The following PCDHA12 variants were observed in gnomAD, a reference collection of about 807,000 sequenced individuals.
PCDHA12 encodes protocadherin alpha-12.
A neutral mutation model predicts 60.0 loss-of-function variants in PCDHA12; 44 were observed. That is an observed-to-expected ratio of 0.73 (90% CI 0.58 to 0.94). The LOEUF (loss-of-function observed/expected upper bound fraction) is 0.94, where lower values mean the gene tolerates loss of function less well. PCDHA12 is among the 40% of genes least tolerant of loss of function. The pLI is 0.00. For missense variants in PCDHA12, 1,276 were observed against 1,239.7 expected (o/e 1.03, Z -0.44); for synonymous variants, 569 against 553.0 (o/e 1.03, Z -0.40).
chr5:141,010,276 TTGA>T lies in PCDHA12; in HGVS notation c.*343_*345del, dbSNP rs1554262867. On this transcript the variant is annotated 3_prime_UTR_variant, in exon 4 of 4. Transcript: ENST00000398631. ...TGCCCTGTGCTCCGGGGATCCTGTC[TTGA>T]TGACACTTGCAGGGCAGGCTGAAAA... is the stretch of plus-strand genomic sequence containing the variant. The T allele has an allele frequency of 4.5e-6, 7 of 1,551,580 alleles. No individual in the cohort carries two copies. The highest frequency in any genetic ancestry group is 6.1e-6 in the Non-Finnish European group (7 of 1,146,976).
At chr5:140,936,512 A>G (rs575884793) in intron 1 of PCDHA12, among the ~76,000 whole-genome samples, 1 of 152,324 alleles carries the variant, frequency 6.6e-6, no homozygotes, top group Non-Finnish European at 1.5e-5. Context: ...TAGATCTTAA[A>G]TTACCTGAAA....
chr5:140,956,678 A>C (rs1442214825), intron 1 of PCDHA12, among the ~76,000 whole-genome samples: 2 of 152,104 alleles, frequency 1.3e-5, no homozygotes, highest in Non-Finnish European at 2.9e-5. Context: ...GTTAGGGAGG[A>C]GTACCTCCTT....
chr5:140,954,383 T>C (rs1333017700), intron 1 of PCDHA12, among the ~76,000 whole-genome samples: 6 of 152,208 alleles, frequency 3.9e-5, no homozygotes, highest in African/African-American at 1.4e-4. Context: ...ATGAGTGAAC[T>C]AATTTACAAC....
intron 3 of PCDHA12, among the ~76,000 whole-genome samples, chr5:140,999,591 C>T (rs2153957965): frequency 1.3e-5 from 2 of 152,208 alleles, no homozygotes; most frequent in South Asian, 4.2e-4. Flanking sequence ...AATTGCCTTC[C>T]CTACATCCTG....
At chr5:140,959,544 T>C (rs2095494180) in intron 1 of PCDHA12, among the ~76,000 whole-genome samples, 1 of 152,208 alleles carries the variant, frequency 6.6e-6, no homozygotes, top group Non-Finnish European at 1.5e-5. Context: ...AGAGATGCTG[T>C]ATAAATAGAA....
intron 1 of PCDHA12, among the ~76,000 whole-genome samples, chr5:140,934,548 ATT>A (rs1290393008): frequency 1.3e-5 from 2 of 152,018 alleles, no homozygotes; most frequent in African/African-American, 2.4e-5. Context: ...TAATTCTATC[ATT>A]TCTTCTTTTT....
intron 1 of PCDHA12, among the ~76,000 whole-genome samples, chr5:140,885,665 G>A (rs2060682140): frequency 6.6e-6 from 1 of 152,114 alleles, no homozygotes; most frequent in Non-Finnish European, 1.5e-5. Flanking sequence ...CCAGTTATGA[G>A]CACTCTTTCT....
chr5:140,916,520 G>C (rs1339531103), intron 1 of PCDHA12, among the ~76,000 whole-genome samples: 1 of 152,112 alleles, frequency 6.6e-6, no homozygotes, highest in African/African-American at 2.4e-5. Context: ...GCCAAGACTG[G>C]GTCCTTCCCA....
chr5:140,930,591 CAT>C (rs1554207939), intron 1 of PCDHA12: 1 of 152,406 alleles, frequency 6.6e-6, no homozygotes, highest in African/African-American at 2.4e-5. Flanking sequence ...TTTGACTTCT[CAT>C]AGAAATCCTA....
intron 1 of PCDHA12, chr5:140,926,849 C>A: frequency 6.6e-7 from 1 of 1,517,430 alleles, no homozygotes. Flanking sequence ...CCTGGGTCAC[C>A]GTTGGTGTAG....
intron 3 of PCDHA12, among the ~76,000 whole-genome samples, chr5:140,993,956 C>T (rs2097588909): frequency 6.6e-6 from 1 of 152,140 alleles, no homozygotes; most frequent in Admixed American, 6.5e-5. Flanking sequence ...TGATACATGA[C>T]TGTAGTCATC....
chr5:140,976,190 C>T (rs1402016343), intron 1 of PCDHA12, among the ~76,000 whole-genome samples: 17 of 152,040 alleles, frequency 1.1e-4, no homozygotes, highest in African/African-American at 4.1e-4. Context: ...AATCAATATC[C>T]TGGAAACTCA....
intron 1 of PCDHA12, chr5:140,966,810 G>A (rs1290992432): frequency 3.9e-6 from 6 of 1,548,566 alleles, no homozygotes; most frequent in African/African-American, 1.4e-5. Context: ...GAGCATCCAC[G>A]GCTCCGGCGG....
At position 141,003,207 on chromosome 5, in the gene PCDHA12, T is replaced by C. The variant is rs141066841; in HGVS notation, c.2516-6420T>C. On this transcript the variant is annotated intron_variant, in intron 3 of 3. Coordinates refer to ENST00000398631, the MANE Select transcript of PCDHA12 (RefSeq NM_018903.4). Reference sequence around the variant, plus strand: ...CATCAACTCAGGCAGCCAGGGTTAGTTTAGCATGAAAGAGGAAAGCTGGAA... The same window carrying C: ...CATCAACTCAGGCAGCCAGGGTTAGCTTAGCATGAAAGAGGAAAGCTGGAA... Among the ~76,000 whole-genome samples the C allele has an allele frequency of 6.3e-3, 959 of 152,338 alleles. 16 individuals carry two copies. The highest frequency in any genetic ancestry group is 0.021 in the African/African-American group (892 of 41,582).
At chr5:140,884,941 C>T (rs1326188943) in intron 1 of PCDHA12, among the ~76,000 whole-genome samples, 1 of 152,116 alleles carries the variant, frequency 6.6e-6, no homozygotes, top group Admixed American at 6.5e-5. Context: ...TGCAATTGAG[C>T]ATTTACAAAA....
chr5:140,926,944 G>A, intron 1 of PCDHA12: 1 of 1,588,324 alleles, frequency 6.3e-7, no homozygotes, highest in Non-Finnish European at 8.6e-7. Flanking sequence ...CTGCGGCGCT[G>A]CAGCGGGACA....
chr5:140,953,641 G>A (rs246029), intron 1 of PCDHA12, among the ~76,000 whole-genome samples: 85,647 of 151,972 alleles, frequency 0.56, 24,761 homozygotes, highest in African/African-American at 0.69. Context: ...TTTTGGCCAG[G>A]AGCTATAGTT....
At position 141,010,124 on chromosome 5, in the gene PCDHA12, G is replaced by C. The variant is rs1161168842; in HGVS notation, c.*187G>C. 1.2e-6 allele frequency: 2 copies of C among 1,605,172 alleles called. No homozygotes were observed. The highest frequency in any genetic ancestry group is 1.1e-5 in the South Asian group (1 of 90,170). On this transcript the variant is annotated 3_prime_UTR_variant, in exon 4 of 4. Coordinates refer to ENST00000398631, the MANE Select transcript of PCDHA12 (RefSeq NM_018903.4). ...GGTTTTGTCGTAAAAGCTTTACTAA[G>C]TCTGGTGTTAACTCTTTCTCTCCAC...
At chr5:140,979,054 A>G (rs782082075) in intron 2 of PCDHA12, 47 bp downstream of exon 2, 6 of 1,607,592 alleles carry the variant, frequency 3.7e-6, no homozygotes, top group Non-Finnish European at 4.3e-6. Flanking sequence ...TTAACTTGGT[A>G]TGGCTCAGAT....
Sources: allele counts gnomAD v4.1 joint callset (sites outside exome capture counted in the v4.1 genomes callset), GRCh38; gene constraint gnomAD v4.1.1; transcripts MANE v1.5; gene names NCBI Gene and HGNC (gene_info 2026-07-23, HGNC 2026-07-21).